ZFP64: variants seen among roughly 807,000 people sequenced by gnomAD.
ZFP64 encodes zinc finger protein 64.
Under a neutral mutation model 51.6 loss-of-function variants are expected in ZFP64, and 14 were observed. That is an observed-to-expected ratio of 0.27 (90% CI 0.18 to 0.42). The LOEUF is 0.42. Among genes scored for constraint, ZFP64 ranks in the 10% least tolerant of loss-of-function variants. The pLI is 1.00. For synonymous variants in ZFP64, 375 were observed against 361.4 expected (o/e 1.04, Z -0.43); for missense variants, 754 against 906.8 (o/e 0.83, Z 2.16).
chr20:52,121,426 A>G (rs1362975228), intron 5 of ZFP64, among the ~76,000 whole-genome samples: 5 of 152,200 alleles, frequency 3.3e-5, no homozygotes, highest in African/African-American at 1.2e-4. Context: ...TGATATGGTG[A>G]AACTTTTAGT....
exon 9 of ZFP64, chr20:52,084,126 A>G (rs924893053): frequency 1.2e-5 from 2 of 168,918 alleles, no homozygotes; most frequent in African/African-American, 4.8e-5. Flanking sequence ...TTTTCCAGCA[A>G]CCCCAGACCC....
intron 5 of ZFP64, among the ~76,000 whole-genome samples, chr20:52,121,723 G>A (rs1027205980): frequency 6.6e-6 from 1 of 152,196 alleles, no homozygotes; most frequent in Admixed American, 6.5e-5. Flanking sequence ...AGGCTACACT[G>A]AGCAACAGAT....
chr20:52,112,266 T>C (rs1391835352), intron 5 of ZFP64, among the ~76,000 whole-genome samples: 6 of 152,156 alleles, frequency 3.9e-5, no homozygotes, highest in African/African-American at 1.2e-4. Context: ...GAACAACATC[T>C]AGTACATAGA....
chr20:52,186,586 A>G (rs1983980042), intron 2 of ZFP64, among the ~76,000 whole-genome samples: 1 of 151,400 alleles, frequency 6.6e-6, no homozygotes, highest in African/African-American at 2.4e-5. Context: ...TTTGTTTCAG[A>G]AATCTCTTTT....
At chr20:52,094,115 A>G (rs1019975348) in intron 7 of ZFP64, among the ~76,000 whole-genome samples, 1 of 152,182 alleles carries the variant, frequency 6.6e-6, no homozygotes, top group African/African-American at 2.4e-5. Context: ...CCCGGAGAGA[A>G]GACCACAAGG....
chr20:52,123,712 C>T (rs1331457937), intron 5 of ZFP64, among the ~76,000 whole-genome samples: 1 of 152,052 alleles, frequency 6.6e-6, no homozygotes, highest in Non-Finnish European at 1.5e-5. Flanking sequence ...TTTGTTACTA[C>T]CTGGGCCTCA....
chr20:52,177,561 G>A (rs1247818479), intron 2 of ZFP64, among the ~76,000 whole-genome samples: 1 of 151,982 alleles, frequency 6.6e-6, no homozygotes, highest in Non-Finnish European at 1.5e-5. Flanking sequence ...GGCATTAGCC[G>A]CCACCATGCG....
At chr20:52,110,603 C>T (rs567449379) in intron 5 of ZFP64, 4 of 805,754 alleles carry the variant, frequency 5.0e-6, no homozygotes, top group Non-Finnish European at 2.0e-6. Flanking sequence ...TAGCGGGCCT[C>T]CACGCCAGAG....
At chr20:52,092,499 A>T (rs1048984324) in intron 7 of ZFP64, among the ~76,000 whole-genome samples, 3 of 152,186 alleles carry the variant, frequency 2.0e-5, no homozygotes, top group Non-Finnish European at 2.9e-5. Flanking sequence ...AATTTAGAAG[A>T]CTCAATAAGA....
intron 5 of ZFP64, among the ~76,000 whole-genome samples, chr20:52,127,335 G>A (rs1036619043): frequency 6.6e-6 from 1 of 151,894 alleles, no homozygotes; most frequent in Non-Finnish European, 1.5e-5. Context: ...AAGTGATATG[G>A]TTAGGCTTTG....
At position 52,093,014 on chromosome 20, in the gene ZFP64, T is replaced by C. The variant is rs145644044; in HGVS notation, c.976+4359A>G. Reference sequence around the variant, plus strand: ...GTCCCAATAGCCTCTGGTTTGGACATGACGTACTCCGGCTAATGAAATATG... The same window carrying C: ...GTCCCAATAGCCTCTGGTTTGGACACGACGTACTCCGGCTAATGAAATATG... On this transcript the variant is annotated intron_variant, in intron 7 of 8. Coordinates refer to the ZFP64 transcript ENST00000361387. Among the ~76,000 whole-genome samples the C allele has an allele frequency of 8.8e-3, 1,341 of 152,270 alleles. 12 individuals are homozygous for C. Among genetic ancestry groups the C allele is most frequent in the African/African-American group, 0.03 (1,239 of 41,556 alleles).
chr20:52,119,702 T>C (rs1600725212), intron 5 of ZFP64, among the ~76,000 whole-genome samples: 1 of 145,132 alleles, frequency 6.9e-6, no homozygotes. Flanking sequence ...GAGGCGGAGG[T>C]TGCAGTGACA....
chr20:52,185,523 T>G (rs1983894731), intron 2 of ZFP64, among the ~76,000 whole-genome samples: 1 of 135,446 alleles, frequency 7.4e-6, no homozygotes, highest in African/African-American at 2.9e-5. Context: ...ATTTTTGTAA[T>G]TACTAAGGTG....
chr20:52,138,529 T>G (rs1161123872), intron 5 of ZFP64, among the ~76,000 whole-genome samples: 1 of 151,578 alleles, frequency 6.6e-6, no homozygotes, highest in Non-Finnish European at 1.5e-5. Flanking sequence ...TAAAGCATGA[T>G]TTAAGGCCAA....
At chr20:52,149,121 A>C (rs945413265), downstream of ZFP64, among the ~76,000 whole-genome samples, 1 of 152,212 alleles carries the variant, frequency 6.6e-6, no homozygotes, top group Non-Finnish European at 1.5e-5. Context: ...CACAAAGGCC[A>C]GATAACCATT....
rs1165606495 is a variant in ZFP64 at position 52,152,694 on chromosome 20, T to C, written c.1498A>G (p.Ile500Val). The change falls in exon 6 of 6, where the codon ATC (isoleucine) becomes GTC (valine). Residue 500 changes from isoleucine to valine, a missense_variant. By Grantham distance (29) the Ile-to-Val change is conservative. Transcript: ENST00000216923. The part of the protein sequence containing the change: ...PQFSEGRVKI[I>V]VGHQVPQANT... Reference sequence around the variant, plus strand: ...GCCTGGGGCACCTGATGCCCAACGATGATTTTGACTCTTCCCTCGCTGAAC... The same window carrying C: ...GCCTGGGGCACCTGATGCCCAACGACGATTTTGACTCTTCCCTCGCTGAAC... 2 of 1,549,796 alleles carry C rather than the reference T, an allele frequency of 1.3e-6. No homozygotes were observed. The highest frequency in any genetic ancestry group is 2.7e-5 in the African/African-American group (2 of 73,366).
downstream of ZFP64, among the ~76,000 whole-genome samples, chr20:52,146,944 C>G (rs1002209748): frequency 2.0e-5 from 3 of 152,128 alleles, no homozygotes; most frequent in African/African-American, 7.2e-5. Flanking sequence ...CTTAACATAC[C>G]AGGCTATATG....
rs779898076 is a variant in ZFP64 at position 52,152,797 on chromosome 20, G to A, written c.1395C>T (p.Ile465=). 1.2e-6 allele frequency: 2 copies of A among 1,609,660 alleles called. No homozygotes were observed. The highest frequency in any genetic ancestry group is 1.1e-5 in the South Asian group (1 of 90,910). The change falls in exon 6 of 6, where the codon ATC becomes ATT. Residue 465 remains isoleucine (I), a synonymous_variant. Transcript: ENST00000216923. ...NSDVTVLQFQ[I]DPSKQPATPL... is the part of the protein sequence containing the mutation. ...GCGTGGCGGGCTGCTTGCTGGGGTC[G>A]ATCTGAAACTGGAGAACGGTCACGT...
At chr20:52,171,983 G>T (rs115323051) in intron 2 of ZFP64, among the ~76,000 whole-genome samples, 2,273 of 152,284 alleles carry the variant, frequency 0.015, 57 homozygotes, top group African/African-American at 0.049. Context: ...CCTGCCTCAG[G>T]TGATGTGCCC....
Sources: gnomAD v4.1 joint callset for allele counts (sites outside exome capture counted in the v4.1 genomes callset) on GRCh38, gnomAD v4.1.1 for gene constraint, MANE v1.5 for transcripts, NCBI Gene and HGNC (gene_info 2026-07-23, HGNC 2026-07-21) for gene names.